Variants in CDH8 observed in about 807,000 individuals in gnomAD.
The protein encoded by CDH8 is cadherin-8.
Under a neutral mutation model 68.1 loss-of-function variants are expected in CDH8, and 17 were observed. That is an observed-to-expected ratio of 0.25 (90% CI 0.17 to 0.37). The LOEUF is 0.37. Ranked by LOEUF, CDH8 falls within the 10% of genes least tolerant of loss-of-function variation. The pLI, the probability that CDH8 is intolerant of heterozygous loss-of-function variation, is 1.00. For missense variants in CDH8, 763 were observed against 999.3 expected (o/e 0.76, Z 3.19); for synonymous variants, 372 against 365.1 (o/e 1.02, Z -0.21).
At chr16:62,006,343 G>A (rs1329752445) in intron 2 of CDH8, among the ~76,000 whole-genome samples, 1 of 152,266 alleles carries the variant, frequency 6.6e-6, no homozygotes, top group East Asian at 1.9e-4. Flanking sequence ...GGAGGGGGTG[G>A]CACAGTTTAG....
intron 10 of CDH8, among the ~76,000 whole-genome samples, chr16:61,669,199 T>C (rs1468658523): frequency 1.3e-5 from 2 of 152,064 alleles, no homozygotes; most frequent in Non-Finnish European, 2.9e-5. Flanking sequence ...AGCCACCAAA[T>C]GTAGTACAAA....
intron 2 of CDH8, among the ~76,000 whole-genome samples, chr16:62,014,669 G>C (rs997404942): frequency 1.3e-5 from 2 of 152,130 alleles, no homozygotes; most frequent in African/African-American, 4.8e-5. Context: ...TGATTTCCAA[G>C]TTACAGTAAA....
At chr16:62,012,972 A>AATCAAGAGCATTGGCAATGT (rs1416074277) in intron 2 of CDH8, among the ~76,000 whole-genome samples, 3 of 116,152 alleles carry the variant, frequency 2.6e-5, no homozygotes, top group Admixed American at 8.8e-5. Context: ...TAACTACTTA[A>AATCAAGAGCATTGGCAATGT]GGCCGGGCGC....
Position 61,901,271 on chromosome 16 carries a change from T to G in CDH8, c.455A>C (p.Glu152Ala). 1 of 1,613,970 alleles carries G rather than the reference T, an allele frequency of 6.2e-7. No individual in the cohort carries two copies. The highest frequency in any genetic ancestry group is 8.5e-7 in the Non-Finnish European group (1 of 1,179,930). The change falls in exon 3 of 12, where the codon GAA (glutamate) becomes GCA (alanine). Residue 152 changes from glutamate (E) to alanine (A), a missense_variant. Transcript: ENST00000577390. ...ETSKPLEPPS[E>A]FIIKVQDIND... ...GATGTCTTGAACTTTAATAATAAAT[T>G]CAGAAGGAGGCTCCAGAGGTTTGCT...
At chr16:61,899,222 TAC>T (rs1395642894) in intron 3 of CDH8, among the ~76,000 whole-genome samples, 1 of 152,172 alleles carries the variant, frequency 6.6e-6, no homozygotes, top group African/African-American at 2.4e-5. Flanking sequence ...AGTGAGAACA[TAC>T]AGTGTTTTGT....
rs374078977 is a variant in CDH8, at chr16:61,749,173, A to G, written c.1415-21958T>C. On this transcript the variant is annotated intron_variant, in intron 8 of 11. Coordinates refer to ENST00000577390, the MANE Select transcript of CDH8 (RefSeq NM_001796.5). ...AGAACATTTGACATCATTTGATTCA[A>G]TAGTTCTAGTTTGGAACCCAGGAAC... is the stretch of plus-strand genomic sequence containing the variant. Among the ~76,000 whole-genome samples, 13 of 152,138 alleles carry G rather than the reference A, an allele frequency of 8.5e-5. No individual in the cohort carries two copies. The East Asian group carries it at 2.5e-3, about 29-fold the overall frequency.
intron 2 of CDH8, among the ~76,000 whole-genome samples, chr16:61,924,157 T>C (rs1043718922): frequency 1.3e-5 from 2 of 152,082 alleles, no homozygotes; most frequent in African/African-American, 4.8e-5. Flanking sequence ...TTAATCCTGA[T>C]ACTCTAAGTG....
In CDH8 at chr16:61,921,655, A is replaced by G. The variant is rs188771486; in HGVS notation, c.253-20182T>C. 5.0e-3 allele frequency among the ~76,000 whole-genome samples: 757 copies of G among 152,326 alleles called. 8 individuals are homozygous for G. Among genetic ancestry groups the G allele is most frequent in the Non-Finnish European group, 6.8e-3 (462 of 68,028 alleles). ...CAGTAAACCAGTATTTCCCAAATAC[A>G]TGATGTTAGAAAATTATTAATCAGC... On this transcript the variant is annotated intron_variant, in intron 2 of 11. Transcript: ENST00000577390.
intron 2 of CDH8, among the ~76,000 whole-genome samples, chr16:61,914,533 A>AT (rs1157417003): frequency 6.6e-6 from 1 of 152,064 alleles, no homozygotes; most frequent in African/African-American, 2.4e-5. Context: ...AGTAAAACCA[A>AT]TCTAATCACA....
At chr16:61,987,357 A>T (rs960225815) in intron 2 of CDH8, among the ~76,000 whole-genome samples, 1 of 152,052 alleles carries the variant, frequency 6.6e-6, no homozygotes, top group Non-Finnish European at 1.5e-5. Context: ...TACAAAAAAA[A>T]TTAGCTGGGC....
intron 2 of CDH8, among the ~76,000 whole-genome samples, chr16:61,993,413 G>A (rs765404856): frequency 9.3e-5 from 14 of 151,350 alleles, no homozygotes; most frequent in Non-Finnish European, 1.6e-4. Flanking sequence ...TCTGCCTCCC[G>A]GGTTCAAGTG....
chr16:61,669,320 C>T (rs1046264628), intron 10 of CDH8, among the ~76,000 whole-genome samples: 1 of 151,990 alleles, frequency 6.6e-6, no homozygotes, highest in Non-Finnish European at 1.5e-5. Flanking sequence ...ATCTATAAGA[C>T]GTCACTGGCA....
chr16:61,746,556 A>AACACACACAC (rs71675273), intron 8 of CDH8, among the ~76,000 whole-genome samples: 1,591 of 140,176 alleles, frequency 0.011, 25 homozygotes, highest in African/African-American at 0.03. Context: ...ATTCCCCCCC[A>AACACACACAC]ACACACACAC....
At chr16:61,979,099 G>C (rs1455231418) in intron 2 of CDH8, among the ~76,000 whole-genome samples, 1 of 150,258 alleles carries the variant, frequency 6.7e-6, no homozygotes, top group Non-Finnish European at 1.5e-5. Flanking sequence ...TCAGCCCAAA[G>C]CCAGAGCCAG....
intron 9 of CDH8, among the ~76,000 whole-genome samples, chr16:61,715,202 T>C (rs991952413): frequency 2.0e-5 from 3 of 151,684 alleles, no homozygotes; most frequent in Admixed American, 6.6e-5. Flanking sequence ...TTTGTCTAGT[T>C]ATAATGTCTT....
chr16:61,940,645 C>G (rs557425009), intron 2 of CDH8: 1 of 152,396 alleles, frequency 6.6e-6, no homozygotes, highest in African/African-American at 2.4e-5. Flanking sequence ...TCGTGATCGG[C>G]CCTCCTCGGC....
chr16:61,690,752 T>A (rs906088299), intron 10 of CDH8, among the ~76,000 whole-genome samples: 1 of 152,054 alleles, frequency 6.6e-6, no homozygotes, highest in Non-Finnish European at 1.5e-5. Flanking sequence ...AATGCAGGGA[T>A]ATGATGAATA....
chr16:61,922,809 A>T (rs908505463), intron 2 of CDH8, among the ~76,000 whole-genome samples: 2 of 152,116 alleles, frequency 1.3e-5, no homozygotes, highest in Non-Finnish European at 2.9e-5. Flanking sequence ...TCTTTTTAAA[A>T]CTCTAAAATT....
At chr16:61,850,115 T>A (rs992727863) in intron 4 of CDH8, among the ~76,000 whole-genome samples, 1 of 152,064 alleles carries the variant, frequency 6.6e-6, no homozygotes, top group African/African-American at 2.4e-5. Flanking sequence ...GAGGTTTATT[T>A]GGCTCATGGT....
Sources: allele counts gnomAD v4.1 joint callset (sites outside exome capture counted in the v4.1 genomes callset), GRCh38; gene constraint gnomAD v4.1.1; transcripts MANE v1.5; gene names NCBI Gene and HGNC (gene_info 2026-07-23, HGNC 2026-07-21).